Variants in TCEA1 observed in about 807,000 individuals in gnomAD.
The protein encoded by TCEA1 is transcription elongation factor A protein 1.
TCEA1 carries 21 observed loss-of-function variants against 43.8 expected under a neutral mutation model. The observed-to-expected ratio is 0.48, with a 90% confidence interval of 0.34 to 0.69. The LOEUF is 0.69. Among genes scored for constraint, TCEA1 ranks in the 30% least tolerant of loss-of-function variants. TCEA1 has a pLI of 0.01. For synonymous variants in TCEA1, 104 were observed against 117.5 expected (o/e 0.88, Z 0.75); for missense variants, 250 against 365.1 (o/e 0.68, Z 2.57).
chr8:54,011,277 C>A (rs1804644580), intron 1 of TCEA1, among the ~76,000 whole-genome samples: 1 of 152,184 alleles, frequency 6.6e-6, no homozygotes, highest in South Asian at 2.1e-4. Context: ...TCTGTTTTTA[C>A]CCCACAAAGA....
At chr8:53,999,602 G>A (rs560591766) in intron 3 of TCEA1, 37 of 245,626 alleles carry the variant, frequency 1.5e-4, no homozygotes, top group East Asian at 4.8e-4. Context: ...TAAAGGATAC[G>A]GCATTCTTTT....
At chr8:53,999,066 A>G (rs1386028271) in intron 3 of TCEA1, among the ~76,000 whole-genome samples, 1 of 151,982 alleles carries the variant, frequency 6.6e-6, no homozygotes, top group Admixed American at 6.6e-5. Context: ...GTCTCTACTA[A>G]AAATACAAAA....
At chr8:53,968,763 G>C (rs1803066252) in intron 9 of TCEA1, among the ~76,000 whole-genome samples, 1 of 151,958 alleles carries the variant, frequency 6.6e-6, no homozygotes, top group African/African-American at 2.4e-5. Flanking sequence ...CGGGGCCACA[G>C]AACAAGACTC....
chr8:54,001,626 T>G (rs1804266172), intron 2 of TCEA1, among the ~76,000 whole-genome samples: 1 of 152,052 alleles, frequency 6.6e-6, no homozygotes, highest in African/African-American at 2.4e-5. Flanking sequence ...GACACAAACG[T>G]GCAAAAAAAT....
At chr8:53,996,307 C>T (rs912308052) in intron 3 of TCEA1, among the ~76,000 whole-genome samples, 5 of 152,234 alleles carry the variant, frequency 3.3e-5, no homozygotes, top group African/African-American at 1.2e-4. Context: ...CTCTGGACTC[C>T]AGCTGTCTGC....
At chr8:53,984,844 T>C (rs542786624) in intron 6 of TCEA1, among the ~76,000 whole-genome samples, 240 of 151,674 alleles carry the variant, frequency 1.6e-3, no homozygotes, top group Middle Eastern at 3.4e-3. Flanking sequence ...ATCAGGTCAC[T>C]ACACTCCAGC....
At chr8:53,973,099 AAG>A in intron 8 of TCEA1, 2 of 651,394 alleles carry the variant, frequency 3.1e-6, no homozygotes, top group Non-Finnish European at 2.9e-6. Context: ...AGCGAAAATG[AAG>A]AGGAGATAGA....
intron 8 of TCEA1, chr8:53,972,769 T>C: frequency 1.4e-6 from 1 of 714,416 alleles, no homozygotes; most frequent in Non-Finnish European, 2.7e-6. Context: ...TATTATGCAG[T>C]AGTAGACTGT....
At chr8:53,969,675 T>C (rs1487477373) in intron 9 of TCEA1, among the ~76,000 whole-genome samples, 1 of 152,212 alleles carries the variant, frequency 6.6e-6, no homozygotes, top group Non-Finnish European at 1.5e-5. Flanking sequence ...TAATGGGAAG[T>C]GGCAAAGGAG....
intron 1 of TCEA1, among the ~76,000 whole-genome samples, chr8:54,012,496 T>G (rs974344507): frequency 7.2e-5 from 11 of 151,976 alleles, no homozygotes. Context: ...GAAGTGGAGG[T>G]TGCAGTGAGC....
intron 3 of TCEA1, among the ~76,000 whole-genome samples, chr8:53,997,655 T>C (rs1370847148): frequency 2.6e-5 from 4 of 152,196 alleles, no homozygotes; most frequent in Non-Finnish European, 4.4e-5. Flanking sequence ...CCTAACACTT[T>C]GGGAGGCCAA....
chr8:53,999,699 C>A, intron 3 of TCEA1: 1 of 394,720 alleles, frequency 2.5e-6, no homozygotes, highest in Non-Finnish European at 4.5e-6. Flanking sequence ...AGAGAAAATT[C>A]TTCTTACTGA....
intron 2 of TCEA1, among the ~76,000 whole-genome samples, chr8:54,005,734 C>T (rs1804417319): frequency 6.6e-6 from 1 of 152,182 alleles, no homozygotes; most frequent in African/African-American, 2.4e-5. Flanking sequence ...AAGCCCTCAT[C>T]ACTCCTCACC....
rs1278896543 is a variant in TCEA1 at position 53,972,939 on chromosome 8, C to T, written c.826-2476G>A. The T allele has an allele frequency of 1.7e-5, 11 of 663,428 alleles. No homozygotes were observed. In the East Asian group the frequency reaches 3.1e-4, roughly 19 times the overall value. The allele number at this position is 663,428 out of a possible 1,614,324, so 41.1% of individuals were successfully genotyped here. ...AGAGGTGTATTTAACAGCATATAAA[C>T]TAAATATATATCATATCTGCTGCAA... On this transcript the variant is annotated intron_variant, in intron 8 of 9. Transcript: ENST00000521604.
chr8:53,988,062 G>A (rs1227956498), intron 5 of TCEA1, 52 bp downstream of exon 5: 2 of 1,584,050 alleles, frequency 1.3e-6, no homozygotes, highest in African/African-American at 1.3e-5. Context: ...GGAGATGGCA[G>A]TGGTTGTGGG....
intron 8 of TCEA1, among the ~76,000 whole-genome samples, chr8:53,977,475 T>G (rs953528320): frequency 6.6e-6 from 1 of 152,222 alleles, no homozygotes; most frequent in African/African-American, 2.4e-5. Flanking sequence ...CTTTTGTACT[T>G]TTTCAATTTT....
chr8:54,010,072 G>T, intron 2 of TCEA1: 1 of 209,484 alleles, frequency 4.8e-6, no homozygotes. Context: ...GCGACACCTT[G>T]CCATCCTCAC....
intron 3 of TCEA1, among the ~76,000 whole-genome samples, chr8:53,994,829 C>G (rs964943834): frequency 6.6e-6 from 1 of 151,446 alleles, no homozygotes; most frequent in Non-Finnish European, 1.5e-5. Context: ...CGAGATCATA[C>G]CACTGCACTC....
intron 7 of TCEA1, among the ~76,000 whole-genome samples, chr8:53,982,650 C>T (rs1185145516): frequency 6.9e-6 from 1 of 145,912 alleles, no homozygotes; most frequent in Non-Finnish European, 1.5e-5. Flanking sequence ...AAAGTAACCA[C>T]AGATGTAATG....
Sources: allele counts gnomAD v4.1 joint callset (sites outside exome capture counted in the v4.1 genomes callset), GRCh38; gene constraint gnomAD v4.1.1; transcripts MANE v1.5; gene names NCBI Gene and HGNC (gene_info 2026-07-23, HGNC 2026-07-21).